Variants in THSD4 observed in about 807,000 individuals in gnomAD.
THSD4 encodes thrombospondin type-1 domain-containing protein 4.
Under a neutral mutation model 119.0 loss-of-function variants are expected in THSD4, and 69 were observed. The observed-to-expected ratio is 0.58, with a 90% CI of 0.48 to 0.71. THSD4 has a LOEUF of 0.71. Among genes scored for constraint, THSD4 ranks in the 30% least tolerant of loss-of-function variants. THSD4 has a pLI of 0.00. For synonymous variants in THSD4, 524 were observed against 540.4 expected, an observed-to-expected ratio of 0.97 and a Z score of 0.42; for missense variants, 1,393 against 1,391.1, an observed-to-expected ratio of 1.00 and a Z score of -0.02.
chr15:71,397,652 G>A (rs2046470793), intron 6 of THSD4, among the ~76,000 whole-genome samples: 1 of 152,198 alleles, frequency 6.6e-6, no homozygotes, highest in Non-Finnish European at 1.5e-5. Context: ...GAGAGAATAT[G>A]TACTCAGAGG....
chr15:71,600,170 T>G lies in THSD4; in HGVS notation c.1153-60360T>G, dbSNP rs375401240. 1.2e-4 allele frequency among the ~76,000 whole-genome samples: 19 copies of G among 152,344 alleles called. No homozygotes were observed. In the East Asian group the frequency reaches 2.3e-3, roughly 19 times the overall value. ...AGCTACAGTCAATACTGTGGATTAG[T>G]GTTCTGTGCAAGACTTACTCACTCA... On this transcript the variant is annotated intron_variant, in intron 7 of 17. Transcript: ENST00000261862.
Position 71,736,331 on chromosome 15 carries a change from C to G in THSD4, c.1631-1401C>G, listed in dbSNP as rs145561230. On this transcript the variant is annotated intron_variant, in intron 10 of 17. Transcript: ENST00000261862. ...TCTCTGTCTGTGTCTCTCTCTTGCT[C>G]TCTATCTCTGACTCTCTGTCTTGCT... Among the ~76,000 whole-genome samples the G allele has an allele frequency of 6.5e-3, 984 of 151,640 alleles. 4 individuals carry two copies. The highest frequency in any genetic ancestry group is 0.01 in the Non-Finnish European group (689 of 67,872).
At chr15:71,697,871 C>CT (rs1217004662) in intron 8 of THSD4, among the ~76,000 whole-genome samples, 1 of 151,546 alleles carries the variant, frequency 6.6e-6, no homozygotes, top group African/African-American at 2.4e-5. Flanking sequence ...CTTTGAAGTT[C>CT]TTTTTTCTCT....
intron 14 of THSD4, among the ~76,000 whole-genome samples, chr15:71,750,168 G>A (rs2053421257): frequency 1.3e-5 from 2 of 152,126 alleles, no homozygotes; most frequent in South Asian, 4.2e-4. Context: ...CAGCCCATGA[G>A]CCCCCACCCC....
intron 8 of THSD4, among the ~76,000 whole-genome samples, chr15:71,676,494 A>G (rs992763076): frequency 6.6e-6 from 1 of 152,084 alleles, no homozygotes; most frequent in Non-Finnish European, 1.5e-5. Context: ...GTTGGCCAGG[A>G]TGGTCTCAAT....
intron 6 of THSD4, among the ~76,000 whole-genome samples, chr15:71,331,424 T>C (rs2045419560): frequency 6.6e-6 from 1 of 152,242 alleles, no homozygotes; most frequent in South Asian, 2.1e-4. Flanking sequence ...GTTATCAGTC[T>C]CAGCTGGCTC....
chr15:71,561,119 C>T (rs967332411), intron 7 of THSD4, among the ~76,000 whole-genome samples: 19 of 151,960 alleles, frequency 1.3e-4, no homozygotes, highest in East Asian at 1.9e-4. Context: ...GGACTACAGG[C>T]GCCTGCCACC....
intron 4 of THSD4, among the ~76,000 whole-genome samples, chr15:71,216,973 C>A (rs574224785): frequency 6.6e-6 from 1 of 151,998 alleles, no homozygotes; most frequent in Admixed American, 6.6e-5. Flanking sequence ...ATTTTTGTAT[C>A]TTTAGTAGAG....
At chr15:71,305,259 TC>T (rs879486928) in intron 6 of THSD4, among the ~76,000 whole-genome samples, 9 of 152,242 alleles carry the variant, frequency 5.9e-5, no homozygotes, top group African/African-American at 1.9e-4. Context: ...ACAGTACCAG[TC>T]CCCAGAGGAC....
chr15:71,235,231 C>T (rs2044094321), intron 4 of THSD4, among the ~76,000 whole-genome samples: 1 of 152,198 alleles, frequency 6.6e-6, no homozygotes, highest in Admixed American at 6.5e-5. Flanking sequence ...AGCATCCTCA[C>T]ATTTGTAACC....
chr15:71,261,500 A>G (rs541357833), intron 6 of THSD4, among the ~76,000 whole-genome samples: 5 of 152,296 alleles, frequency 3.3e-5, no homozygotes, highest in African/African-American at 9.6e-5. Flanking sequence ...GTCCTAGGAA[A>G]CTAATATACC....
chr15:71,588,621 C>T (rs923722273), intron 7 of THSD4, among the ~76,000 whole-genome samples: 24 of 151,880 alleles, frequency 1.6e-4, no homozygotes, highest in African/African-American at 5.8e-4. Context: ...TTTTAGTAGA[C>T]ATGGGTTTCA....
rs140569901 is a variant in THSD4 at position 71,550,114 on chromosome 15, G to A, written c.1153-110416G>A. ...CTTAGTCAAGGTTAGGGTGGCAGTC[G>A]TGTACACTTGTACAGATGGGGCGTA... On this transcript the variant is annotated intron_variant, in intron 7 of 17. Coordinates refer to ENST00000261862, the MANE Select transcript of THSD4 (RefSeq NM_024817.3). Among the ~76,000 whole-genome samples, 654 of 152,348 alleles carry A rather than the reference G, an allele frequency of 4.3e-3. 5 individuals carry two copies. The highest frequency in any genetic ancestry group is 9.0e-3 in the Admixed American group (137 of 15,306).
intron 6 of THSD4, among the ~76,000 whole-genome samples, chr15:71,324,247 G>A (rs576186582): frequency 1.2e-4 from 18 of 151,858 alleles, no homozygotes; most frequent in African/African-American, 3.4e-4. Context: ...ACGCATGCAC[G>A]ATAGCGCCGT....
chr15:71,350,342 T>C (rs1003750669), intron 6 of THSD4, among the ~76,000 whole-genome samples: 11 of 152,046 alleles, frequency 7.2e-5, no homozygotes, highest in Non-Finnish European at 1.2e-4. Flanking sequence ...CACCTTCACT[T>C]TGAAGCAGAC....
At chr15:71,529,898 T>A (rs947938522) in intron 7 of THSD4, among the ~76,000 whole-genome samples, 1 of 152,214 alleles carries the variant, frequency 6.6e-6, no homozygotes, top group South Asian at 2.1e-4. Context: ...CTACCCTTTC[T>A]TAATGACCTG....
intron 7 of THSD4, among the ~76,000 whole-genome samples, chr15:71,466,800 C>A (rs1355029352): frequency 6.6e-6 from 1 of 152,226 alleles, no homozygotes; most frequent in Admixed American, 6.5e-5. Flanking sequence ...CTATTCACAT[C>A]ACCCCTTAGT....
At chr15:71,220,204 A>G (rs961235902) in intron 4 of THSD4, among the ~76,000 whole-genome samples, 13 of 152,348 alleles carry the variant, frequency 8.5e-5, no homozygotes, top group Middle Eastern at 3.4e-3. Flanking sequence ...AGATACGACC[A>G]GGGTTCAGGA....
chr15:71,718,393 C>T (rs964134506), intron 8 of THSD4, among the ~76,000 whole-genome samples: 1 of 152,128 alleles, frequency 6.6e-6, no homozygotes, highest in African/African-American at 2.4e-5. Flanking sequence ...AAGAGGGGAG[C>T]GTGGCCTGAG....
Sources: gnomAD v4.1 joint callset for allele counts (sites outside exome capture counted in the v4.1 genomes callset) on GRCh38, gnomAD v4.1.1 for gene constraint, MANE v1.5 for transcripts, NCBI Gene and HGNC (gene_info 2026-07-23, HGNC 2026-07-21) for gene names.